UBR2: variants seen among roughly 807,000 people sequenced by gnomAD.
UBR2 encodes the protein E3 ubiquitin-protein ligase UBR2.
UBR2 carries 92 observed loss-of-function variants against 247.9 expected under a neutral mutation model. The observed-to-expected ratio is 0.37, with a 90% CI of 0.31 to 0.44. UBR2 has a LOEUF of 0.44. Among genes scored for constraint, UBR2 ranks in the 20% least tolerant of loss-of-function variants. UBR2 has a pLI of 1.00. For missense variants in UBR2, 1,613 were observed against 2,112.6 expected, an observed-to-expected ratio of 0.76 and a Z score of 4.64; for synonymous variants, 672 against 693.5, an observed-to-expected ratio of 0.97 and a Z score of 0.49.
At position 42,689,782 on chromosome 6, in the gene UBR2, C is replaced by T; in HGVS notation, c.5126+112C>T. ...GTTCTGGAAGAGGTGGCTGTGTTAT[C>T]TGTGGAGTCTTCCAAGGAGGGTGCC... On this transcript the variant is annotated intron_variant, in intron 46 of 46. Transcript: ENST00000372901. The surrounding 1 kb of genome is among the most constrained non-coding windows in gnomAD (Gnocchi z 4.0). 1.1e-6 allele frequency: 1 copy of T among 934,974 alleles called. No individual in the cohort carries two copies. The highest frequency in any genetic ancestry group is 1.7e-6 in the Non-Finnish European group (1 of 584,466). The allele number at this position is 934,974 out of a possible 1,614,324, so 57.9% of individuals were successfully genotyped here.
chr6:42,689,308 G>A lies in UBR2; in HGVS notation c.5025-261G>A, dbSNP rs901262567. ...CCAGTACCTTGATAATTTCTTATAC[G>A]TATTAGGTCCTCAATAAATGTCTGT... On this transcript the variant is annotated intron_variant, in intron 45 of 46. Transcript: ENST00000372901. This position sits in a 1 kb window ranked among gnomAD's most constrained non-coding sequence, Gnocchi z 4.0. Among the ~76,000 whole-genome samples, 4 of 152,140 alleles carry A rather than the reference G, an allele frequency of 2.6e-5. No individual in the cohort carries two copies. The highest frequency in any genetic ancestry group is 7.2e-5 in the African/African-American group (3 of 41,412).
At chr6:42,658,189 G>A in intron 27 of UBR2, 51 bp from the exon 28 acceptor site, 1 of 1,609,218 alleles carries the variant, frequency 6.2e-7, no homozygotes, top group Non-Finnish European at 8.5e-7. Context: ...TTTGTTATGT[G>A]TACATTGTGA....
chr6:42,679,861 A>G, intron 42 of UBR2, 29 bp downstream of exon 42: 1 of 1,524,380 alleles, frequency 6.6e-7, no homozygotes, highest in African/African-American at 1.4e-5. Flanking sequence ...TCTTTGTTGT[A>G]TTAAATAGCT....
intron 36 of UBR2, among the ~76,000 whole-genome samples, chr6:42,673,087 C>A (rs1183080033): frequency 6.6e-6 from 1 of 152,128 alleles, no homozygotes; most frequent in Non-Finnish European, 1.5e-5. Context: ...CAAGAGTTTT[C>A]TTATTACTGC....
At position 42,689,601 on chromosome 6, in the gene UBR2, G is replaced by A. The variant is rs1258212744; in HGVS notation, c.5057G>A (p.Gly1686Asp). The A allele has an allele frequency of 2.5e-6, 4 of 1,613,972 alleles. No individual in the cohort carries two copies. The highest frequency in any genetic ancestry group is 8.5e-7 in the Non-Finnish European group (1 of 1,179,974). Residue 1686 changes from glycine to aspartate, a missense_variant, in exon 46 of 47, where the codon GGC (glycine) becomes GAC (aspartate). Around this residue, in one of 3 missense-constraint regions of UBR2, gnomAD observed 80 missense variants for 108.6 expected, o/e 0.74. Transcript: ENST00000372901. This position sits in a 1 kb window ranked among gnomAD's most constrained non-coding sequence, Gnocchi z 4.0. ...GAATGTCAGGTGCTATTTTTAGCTG[G>A]CAAAACCAAAGGCTGTTTTTATTCT... ...VRECQVLFLA[G>D]KTKGCFYSPP...
At chr6:42,608,439 A>G (rs1296341259) in intron 7 of UBR2, among the ~76,000 whole-genome samples, 1 of 152,176 alleles carries the variant, frequency 6.6e-6, no homozygotes, top group Non-Finnish European at 1.5e-5. Flanking sequence ...CAGCCTGGGC[A>G]ACAGAGCAAG....
At chr6:42,630,974 T>G (rs999545195) in intron 11 of UBR2, among the ~76,000 whole-genome samples, 5 of 151,994 alleles carry the variant, frequency 3.3e-5, no homozygotes, top group Non-Finnish European at 7.4e-5. Context: ...ACCCAGCTAA[T>G]TGTTTTATTT....
Position 42,635,543 on chromosome 6 carries a change from A to G in UBR2, c.1671A>G (p.Ser557=). The G allele has an allele frequency of 6.2e-7, 1 of 1,604,358 alleles. No individual in the cohort carries two copies. Among genetic ancestry groups the G allele is most frequent in the Non-Finnish European group, 8.5e-7 (1 of 1,172,216 alleles). ...CAATGATGCAGGACTGGTGTGCTTC[A>G]GATGTGAGTTTCTTCTGGGTGCGGG... The part of the protein sequence containing the change: ...VISMMQDWCA[S]DEKVLIEAYK... Residue 557 remains serine, a synonymous_variant, in exon 14 of 47, where the codon TCA becomes TCG. Transcript: ENST00000372901.
rs763106219 is a variant in UBR2, at chr6:42,564,441, C to T, written c.78+44C>T. On this transcript the variant is annotated intron_variant, in intron 1 of 46. Coordinates refer to ENST00000372901, the MANE Select transcript of UBR2 (RefSeq NM_001363705.2). ...GCGGGTGCGTCTGCCCCTCGCAGGCCGCGCCTGTGGGGAGGAACCGACTCC... is the reference window on the plus strand; with the variant it reads ...GCGGGTGCGTCTGCCCCTCGCAGGCTGCGCCTGTGGGGAGGAACCGACTCC... 4.4e-6 allele frequency: 7 copies of T among 1,584,524 alleles called. No individual in the cohort carries two copies. The Admixed American group carries it at 1.1e-4, about 25-fold the overall frequency.
At chr6:42,624,806 T>A (rs1202715165) in intron 11 of UBR2, among the ~76,000 whole-genome samples, 2 of 152,214 alleles carry the variant, frequency 1.3e-5, no homozygotes. Context: ...ACTCTTAGGT[T>A]CTACAATAGT....
chr6:42,614,192 A>T (rs1471871475), intron 8 of UBR2, among the ~76,000 whole-genome samples: 1,649 of 41,842 alleles, frequency 0.039, 126 homozygotes, highest in African/African-American at 0.12. Context: ...AAAAAAAAAA[A>T]AAAAAAAAAA....
chr6:42,588,436 G>A (rs1037439617), intron 2 of UBR2, among the ~76,000 whole-genome samples: 2 of 152,296 alleles, frequency 1.3e-5, no homozygotes, highest in African/African-American at 2.4e-5. Flanking sequence ...TTGGAAGACC[G>A]AGGTAGGAGA....
Position 42,644,227 on chromosome 6 carries a change from T to A in UBR2, c.2111T>A (p.Met704Lys). ...AAAAAAAAAAAGACAGGTGTCTCCATGATGGATCCAAATCATTTCCTGATG... is the reference window on the plus strand; with the variant it reads ...AAAAAAAAAAAGACAGGTGTCTCCAAGATGGATCCAAATCATTTCCTGATG... ...DVVMLQTGVS[M>K]MDPNHFLMIM... is the part of the protein sequence containing the mutation. The change falls in exon 19 of 47, where the codon ATG (methionine) becomes AAG (lysine). Residue 704 changes from methionine (M) to lysine (K), a missense_variant. This residue lies in a region of UBR2 where 1,524 missense variants were observed against 1,967.3 expected (regional missense o/e 0.77). Transcript: ENST00000372901. The A allele has an allele frequency of 6.2e-7, 1 of 1,608,712 alleles. No individual in the cohort carries two copies. The highest frequency in any genetic ancestry group is 8.5e-7 in the Non-Finnish European group (1 of 1,178,764).
intron 20 of UBR2, 31 bp downstream of exon 20, chr6:42,644,567 A>G: frequency 6.3e-7 from 1 of 1,577,870 alleles, no homozygotes; most frequent in African/African-American, 1.3e-5. Context: ...GCATTTAATA[A>G]ATTACACTGA....
Position 42,690,329 on chromosome 6 carries a change from G to A in UBR2, c.5126+659G>A, listed in dbSNP as rs557352973. ...TGAGCTGCCCCAGGCGCTGGACTGC[G>A]AGGCTATGCCCATATGCCACCCAGT... On this transcript the variant is annotated intron_variant, in intron 46 of 46. Transcript: ENST00000372901. 1.6e-4 allele frequency among the ~76,000 whole-genome samples: 25 copies of A among 152,328 alleles called. No individual in the cohort carries two copies. The South Asian group carries it at 5.0e-3, about 30-fold the overall frequency.
intron 25 of UBR2, among the ~76,000 whole-genome samples, chr6:42,653,570 A>G (rs993121388): frequency 6.8e-6 from 1 of 147,760 alleles, no homozygotes; most frequent in African/African-American, 2.5e-5. Context: ...TTCATTAAAT[A>G]GAATGCCTAC....
chr6:42,614,198 A>T (rs1331161092), intron 8 of UBR2, among the ~76,000 whole-genome samples: 1,768 of 41,408 alleles, frequency 0.043, 133 homozygotes, highest in African/African-American at 0.049. Context: ...AAAAAAAAAA[A>T]AAAAAAACTA....
chr6:42,608,097 T>C (rs1299128055), intron 7 of UBR2, among the ~76,000 whole-genome samples: 1 of 152,182 alleles, frequency 6.6e-6, no homozygotes, highest in East Asian at 1.9e-4. Flanking sequence ...ACTCCCGTTA[T>C]GGGCATTATT....
intron 21 of UBR2, among the ~76,000 whole-genome samples, 169 bp downstream of exon 21, chr6:42,645,759 A>G (rs1796718842): frequency 1.3e-5 from 2 of 152,340 alleles, no homozygotes; most frequent in South Asian, 4.1e-4. Context: ...AAAAGAGAAT[A>G]GGAGTAGAAA....
Sources: allele counts gnomAD v4.1 joint callset (sites outside exome capture counted in the v4.1 genomes callset), GRCh38; gene constraint gnomAD v4.1.1; regional missense constraint gnomAD v4.1.1; non-coding constraint Gnocchi (gnomAD v3.1); transcripts MANE v1.5; gene names NCBI Gene and HGNC (gene_info 2026-07-23, HGNC 2026-07-21).